Variants in WNT2B observed in about 807,000 individuals in gnomAD.
WNT2B encodes protein Wnt-2b.
WNT2B carries 19 observed loss-of-function variants against 40.5 expected under a neutral mutation model. The ratio of observed to expected loss-of-function variants is 0.47; its 90% CI spans 0.33 to 0.69. WNT2B has a LOEUF of 0.69. WNT2B is among the 30% of genes least tolerant of loss of function. The pLI, the probability that WNT2B is intolerant of heterozygous loss-of-function variation, is 0.02. For missense variants in WNT2B, 467 were observed against 556.4 expected, an observed-to-expected ratio of 0.84 and a Z score of 1.62; for synonymous variants, 220 against 211.9, an observed-to-expected ratio of 1.04 and a Z score of -0.33.
chr1:112,523,308 G>A lies in WNT2B; in HGVS notation c.*2799G>A, dbSNP rs1570809333. The A allele has an allele frequency of 1.4e-5, 2 of 143,566 alleles. No individual in the cohort carries two copies. Among genetic ancestry groups the A allele is most frequent in the East Asian group, 3.9e-4 (2 of 5,192 alleles). The allele number at this position is 143,566 out of a possible 1,614,324, so 8.9% of individuals were successfully genotyped here. On this transcript the variant is annotated 3_prime_UTR_variant, in exon 5 of 5. Transcript: ENST00000369684. ...TTTCCTATAAATGGTTAAGAAAAGA[G>A]CAAGCTGTCCAGAGAGTGAGAAGTT...
At position 112,520,697 on chromosome 1, in the gene WNT2B, G is replaced by A; in HGVS notation, c.*188G>A. 3.2e-6 allele frequency: 2 copies of A among 634,064 alleles called. No individual in the cohort carries two copies. The highest frequency in any genetic ancestry group is 4.1e-5 in the South Asian group (2 of 48,588). The allele number at this position is 634,064 out of a possible 1,614,324, so 39.3% of individuals were successfully genotyped here. ...CTTAGCCCTGGGAAGGAGTTGTCAG[G>A]GGATATAAGAAACTGAGCAAGCTCC... On this transcript the variant is annotated 3_prime_UTR_variant, in exon 5 of 5. Coordinates refer to ENST00000369684, the MANE Select transcript of WNT2B (RefSeq NM_024494.3).
At chr1:112,469,152 C>A (rs1430908832) in intron 1 of WNT2B, among the ~76,000 whole-genome samples, 1 of 152,150 alleles carries the variant, frequency 6.6e-6, no homozygotes, top group African/African-American at 2.4e-5. Flanking sequence ...AATTCTGTTC[C>A]ATTGGTCTAT....
chr1:112,501,869 T>G lies in WNT2B; in HGVS notation c.-94-13005T>G, dbSNP rs34961977. Among the ~76,000 whole-genome samples, 134 of 152,352 alleles carry G rather than the reference T, an allele frequency of 8.8e-4. No homozygotes were observed. In the Middle Eastern group the frequency reaches 0.01, roughly 12 times the overall value. The stretch of plus-strand genomic sequence containing the variant: ...AGAAGCAAAGTAGGCCACACTCGCC[T>G]GCCCTTGGGAACACCCACTTCTCCG... On this transcript the variant is annotated intron_variant, in intron 1 of 4. Coordinates refer to the WNT2B transcript ENST00000256640.
Position 112,520,576 on chromosome 1 carries a change from T to C in WNT2B, c.*67T>C. On this transcript the variant is annotated 3_prime_UTR_variant, in exon 5 of 5. Coordinates refer to ENST00000369684, the MANE Select transcript of WNT2B (RefSeq NM_024494.3). ...AACTCAAAAGCACAAGATCCTTGCA[T>C]GCACACCTTCCTCCACCCTCCACCC... 6.6e-7 allele frequency: 1 copy of C among 1,512,016 alleles called. No individual in the cohort carries two copies. The highest frequency in any genetic ancestry group is 9.1e-7 in the Non-Finnish European group (1 of 1,102,256). The allele number at this position is 1,512,016 out of a possible 1,614,324, so 93.7% of individuals were successfully genotyped here. A position where few individuals can be genotyped will look rare whatever the true frequency, so the allele number is the denominator to read the frequency against.
At chr1:112,498,700 G>T (rs1651855384) in intron 1 of WNT2B, among the ~76,000 whole-genome samples, 1 of 152,076 alleles carries the variant, frequency 6.6e-6, no homozygotes, top group East Asian at 1.9e-4. Context: ...TCCATCTGAG[G>T]CCTCATCAGA....
intron 1 of WNT2B, among the ~76,000 whole-genome samples, chr1:112,482,015 G>T (rs1055178928): frequency 1.3e-5 from 2 of 151,928 alleles, no homozygotes; most frequent in African/African-American, 4.8e-5. Flanking sequence ...GTACAGTGGT[G>T]CATGCCTGTA....
chr1:112,512,982 G>T (rs1032898230), intron 1 of WNT2B, among the ~76,000 whole-genome samples: 1 of 152,164 alleles, frequency 6.6e-6, no homozygotes, highest in Non-Finnish European at 1.5e-5. Context: ...ACCTATGTGG[G>T]CTGCAGCAGA....
upstream of WNT2B, among the ~76,000 whole-genome samples, chr1:112,504,645 A>G (rs1387334258): frequency 6.6e-6 from 1 of 152,100 alleles, no homozygotes; most frequent in Non-Finnish European, 1.5e-5. Flanking sequence ...GTGAGGCATT[A>G]GTTACCTGTG....
intron 1 of WNT2B, among the ~76,000 whole-genome samples, chr1:112,492,254 TC>T (rs1651625786): frequency 6.6e-6 from 1 of 151,984 alleles, no homozygotes. Context: ...AACTGAAAAA[TC>T]AACACCCTTC....
chr1:112,516,136 C>G lies in WNT2B; in HGVS notation c.404-4C>G. 6.2e-7 allele frequency: 1 copy of G among 1,608,706 alleles called. No homozygotes were observed. The highest frequency in any genetic ancestry group is 1.3e-5 in the African/African-American group (1 of 74,936). On this transcript the variant is annotated splice_region_variant and splice_polypyrimidine_tract_variant and intron_variant, in intron 2 of 4. Coordinates refer to ENST00000369684, the MANE Select transcript of WNT2B (RefSeq NM_024494.3). ...GAAGCACACCTCTACAATTCTCTCTCTAGGTAGCCGAGAGGCAGCTTTTGT... is the reference window on the plus strand; with the variant it reads ...GAAGCACACCTCTACAATTCTCTCTGTAGGTAGCCGAGAGGCAGCTTTTGT...
At chr1:112,482,692 C>T (rs890358355) in intron 1 of WNT2B, among the ~76,000 whole-genome samples, 2 of 152,098 alleles carry the variant, frequency 1.3e-5, no homozygotes, top group African/African-American at 4.8e-5. Flanking sequence ...AGGAAACAAT[C>T]CCATTCCCAT....
chr1:112,514,916 C>T lies in WNT2B; in HGVS notation c.225C>T (p.Ile75=), dbSNP rs533989713. 4.2e-5 allele frequency: 68 copies of T among 1,614,144 alleles called. No individual in the cohort carries two copies. The highest frequency in any genetic ancestry group is 5.5e-5 in the Non-Finnish European group (65 of 1,180,058). The change falls in exon 2 of 5, where the codon ATC becomes ATT. Residue 75 remains isoleucine (I), a synonymous_variant. Transcript: ENST00000369684. ...GGGCACGAGTGATCTGTGACAATAT[C>T]CCTGGTTTGGTGAGCCGGCAGCGGC... ...ALGARVICDN[I]PGLVSRQRQL...
chr1:112,508,718 G>C, upstream of WNT2B: 1 of 985,894 alleles, frequency 1.0e-6, no homozygotes, highest in Non-Finnish European at 1.2e-6. This position sits in a 1 kb window ranked among gnomAD's most constrained non-coding sequence, Gnocchi z 4.2. Context: ...GCGCGGTGTC[G>C]GCAGGGACTG....
At position 112,470,018 on chromosome 1, in the gene WNT2B, C is replaced by T. The variant is rs370355538; in HGVS notation, c.-95+2427C>T. ...CTCAAGATATGAGTAGTTTACACACCACAATTACAGTGTTATGATATTCTG... is the reference window on the plus strand; with the variant it reads ...CTCAAGATATGAGTAGTTTACACACTACAATTACAGTGTTATGATATTCTG... On this transcript the variant is annotated intron_variant, in intron 1 of 4. Coordinates refer to the WNT2B transcript ENST00000256640. Among the ~76,000 whole-genome samples the T allele has an allele frequency of 2.8e-4, 42 of 152,248 alleles. No individual in the cohort carries two copies. In the South Asian group the frequency reaches 8.8e-3, roughly 32 times the overall value.
intron 1 of WNT2B, among the ~76,000 whole-genome samples, chr1:112,479,780 T>C (rs1358988281): frequency 1.3e-5 from 2 of 151,814 alleles, no homozygotes; most frequent in Non-Finnish European, 2.9e-5. Flanking sequence ...GTCGCATCTC[T>C]GCTCACTGCA....
intron 1 of WNT2B, among the ~76,000 whole-genome samples, chr1:112,479,189 C>G (rs1480514308): frequency 2.0e-5 from 3 of 151,602 alleles, no homozygotes; most frequent in Non-Finnish European, 2.9e-5. Flanking sequence ...CCATTGCACT[C>G]CAGCCTGGGT....
At chr1:112,502,157 C>G (rs1167066515) in intron 1 of WNT2B, among the ~76,000 whole-genome samples, 7 of 152,202 alleles carry the variant, frequency 4.6e-5, no homozygotes, top group Admixed American at 3.9e-4. Context: ...CTCCGGCGCG[C>G]AGGTGCTGCG....
intron 1 of WNT2B, among the ~76,000 whole-genome samples, chr1:112,492,848 C>G (rs1651643039): frequency 6.6e-6 from 1 of 152,172 alleles, no homozygotes; most frequent in Admixed American, 6.5e-5. Context: ...GTGCGCAGTC[C>G]AGAGGCACAG....
chr1:112,502,087 C>T (rs1651972030), intron 1 of WNT2B, among the ~76,000 whole-genome samples: 1 of 152,246 alleles, frequency 6.6e-6, no homozygotes. Context: ...GGGGCTGGGG[C>T]CCTGGCCAGG....
Sources: gnomAD v4.1 joint callset for allele counts (sites outside exome capture counted in the v4.1 genomes callset) on GRCh38, gnomAD v4.1.1 for gene constraint, Gnocchi (gnomAD v3.1) non-coding constraint, MANE v1.5 for transcripts, NCBI Gene and HGNC (gene_info 2026-07-23, HGNC 2026-07-21) for gene names.